AP1M1: variants seen among roughly 807,000 people sequenced by gnomAD.
The protein encoded by AP1M1 is AP-1 complex subunit mu-1.
Under a neutral mutation model 57.1 loss-of-function variants are expected in AP1M1, and 18 were observed. The ratio of observed to expected loss-of-function variants is 0.32; its 90% confidence interval spans 0.22 to 0.47. The LOEUF is 0.47. Among genes scored for constraint, AP1M1 ranks in the 20% least tolerant of loss-of-function variants. The pLI is 1.00. For synonymous variants in AP1M1, 241 were observed against 237.9 expected (o/e 1.01, Z -0.12); for missense variants, 362 against 593.5 (o/e 0.61, Z 4.05).
Position 16,206,077 on chromosome 19 carries a change from C to A in AP1M1, c.200-264C>A, listed in dbSNP as rs1213390716. The stretch of plus-strand genomic sequence containing the variant: ...TTCACCCAGCCGCCGGGACAGGTGC[C>A]CTGTGCCACCTGCCATCCCTGTGAT... On this transcript the variant is annotated intron_variant, in intron 2 of 11. Transcript: ENST00000291439. This position sits in a 1 kb window ranked among gnomAD's most constrained non-coding sequence, Gnocchi z 4.3. 6.6e-6 allele frequency among the ~76,000 whole-genome samples: 1 copy of A among 152,182 alleles called. No individual in the cohort carries two copies. Among genetic ancestry groups the A allele is most frequent in the Non-Finnish European group, 1.5e-5 (1 of 68,018 alleles).
In AP1M1 at chr19:16,234,258, T is replaced by C. The variant is rs1283885533; in HGVS notation, c.1233T>C (p.Tyr411=). 9 of 1,613,822 alleles carry C rather than the reference T, an allele frequency of 5.6e-6. No homozygotes were observed. Among genetic ancestry groups the C allele is most frequent in the African/African-American group, 2.7e-5 (2 of 74,928 alleles). Residue 411 remains tyrosine (Y), a synonymous_variant, in exon 11 of 12, where the codon TAT becomes TAC. Coordinates refer to ENST00000291439, the MANE Select transcript of AP1M1 (RefSeq NM_032493.4). ...SGYQALPWVR[Y]ITQNGDYQLR... Reference sequence around the variant, plus strand: ...ACCAGGCCCTGCCCTGGGTGCGTTATATCACGCAGAATGGAGGTGAGTGAG... The same window carrying C: ...ACCAGGCCCTGCCCTGGGTGCGTTACATCACGCAGAATGGAGGTGAGTGAG...
Position 16,229,956 on chromosome 19 carries a change from G to T in AP1M1, c.1047+1028G>T, listed in dbSNP as rs1292392439. Reference sequence around the variant, plus strand: ...AGCTGTGGATATTCCATGGAGGGGTGGTGACCATCCCGGATAGTTGGATTA... The same window carrying T: ...AGCTGTGGATATTCCATGGAGGGGTTGTGACCATCCCGGATAGTTGGATTA... On this transcript the variant is annotated intron_variant, in intron 9 of 11. Coordinates refer to ENST00000291439, the MANE Select transcript of AP1M1 (RefSeq NM_032493.4). Among the ~76,000 whole-genome samples the T allele has an allele frequency of 2.0e-5, 3 of 152,318 alleles. No homozygotes were observed. In the East Asian group the frequency reaches 5.8e-4, roughly 29 times the overall value.
intron 9 of AP1M1, among the ~76,000 whole-genome samples, chr19:16,232,936 C>A (rs545002274): frequency 6.6e-6 from 1 of 152,346 alleles, no homozygotes; most frequent in East Asian, 1.9e-4. Flanking sequence ...CCCCTGCTCA[C>A]CCTCAGGAGC....
chr19:16,219,678 G>A (rs561325425), intron 5 of AP1M1, among the ~76,000 whole-genome samples: 1 of 152,300 alleles, frequency 6.6e-6, no homozygotes, highest in East Asian at 1.9e-4. Context: ...GGGAATTCAG[G>A]TGTGAGCCAC....
At chr19:16,215,212 A>AG (rs1568351069) in intron 5 of AP1M1, among the ~76,000 whole-genome samples, 1 of 2,104 alleles carries the variant, frequency 4.8e-4, no homozygotes, top group African/African-American at 1.1e-3. Context: ...GGGGGGGGGG[A>AG]GAGGGGGGAG....
chr19:16,221,215 C>T (rs908634289), intron 5 of AP1M1, among the ~76,000 whole-genome samples: 1 of 152,196 alleles, frequency 6.6e-6, no homozygotes, highest in African/African-American at 2.4e-5. Context: ...GCAACCTCTG[C>T]CTCCCAGGTT....
chr19:16,215,073 C>CTGA (rs2091511864), intron 5 of AP1M1, among the ~76,000 whole-genome samples: 1 of 150,920 alleles, frequency 6.6e-6, no homozygotes, highest in African/African-American at 2.4e-5. Context: ...TTCTCCTTTG[C>CTGA]TGATGAAGCT....
At chr19:16,214,123 A>G (rs2145124140) in intron 5 of AP1M1, among the ~76,000 whole-genome samples, 1 of 147,716 alleles carries the variant, frequency 6.8e-6, no homozygotes, top group East Asian at 2.0e-4. Flanking sequence ...ATCTTGGCTC[A>G]CTGCAACCTC....
chr19:16,205,389 G>GC (rs1384182767), intron 2 of AP1M1, among the ~76,000 whole-genome samples: 1 of 152,178 alleles, frequency 6.6e-6, no homozygotes, highest in African/African-American at 2.4e-5. Flanking sequence ...AAGGTGAGAG[G>GC]CCCCCACTGC....
chr19:16,198,161 G>A, intron 1 of AP1M1, 93 bp downstream of exon 1: 3 of 1,447,790 alleles, frequency 2.1e-6, no homozygotes, highest in South Asian at 1.2e-5. Flanking sequence ...ACCGGCTTAT[G>A]AGCCCCATCC....
In AP1M1 at chr19:16,215,869, G is replaced by A. The variant is rs115926596; in HGVS notation, c.546+6692G>A. Among the ~76,000 whole-genome samples, 318 of 151,896 alleles carry A rather than the reference G, an allele frequency of 2.1e-3. 2 individuals carry two copies. Among genetic ancestry groups the A allele is most frequent in the African/African-American group, 7.4e-3 (307 of 41,418 alleles). ...TTGGAGGCTTTGTTCATTCCTTTTC[G>A]TTATTTTTTCTCTATTCTCATCTGA... is the stretch of plus-strand genomic sequence containing the variant. On this transcript the variant is annotated intron_variant, in intron 5 of 11. Coordinates refer to ENST00000291439, the MANE Select transcript of AP1M1 (RefSeq NM_032493.4).
chr19:16,233,442 C>T (rs1329680455), intron 9 of AP1M1, 51 bp from the exon 10 acceptor site: 1 of 1,515,686 alleles, frequency 6.6e-7, no homozygotes, highest in Admixed American at 2.1e-5. Flanking sequence ...GAGCTGTTGG[C>T]TAAGCTGGGG....
chr19:16,208,374 T>C (rs2091479109), intron 4 of AP1M1: 1 of 428,986 alleles, frequency 2.3e-6, no homozygotes. Context: ...TCATCTTTAC[T>C]CTCCATCCAC....
In AP1M1 at chr19:16,239,126, T is replaced by G. The variant is rs1211443432; in HGVS notation, c.*4691T>G. 6.6e-6 allele frequency: 1 copy of G among 150,500 alleles called. No individual in the cohort carries two copies. Among genetic ancestry groups the G allele is most frequent in the Non-Finnish European group, 1.5e-5 (1 of 67,734 alleles). The allele number at this position is 150,500 out of a possible 1,614,324, so 9.3% of individuals were successfully genotyped here. A position where few individuals can be genotyped will look rare whatever the true frequency, so the allele number is the denominator to read the frequency against. On this transcript the variant is annotated 3_prime_UTR_variant, in exon 12 of 12. Coordinates refer to ENST00000291439, the MANE Select transcript of AP1M1 (RefSeq NM_032493.4). ...TTTTGTATTTTTGGTAGAGACGGGATTTCTCCATGTTGGTCAGGCTGGTCT... is the reference window on the plus strand; with the variant it reads ...TTTTGTATTTTTGGTAGAGACGGGAGTTCTCCATGTTGGTCAGGCTGGTCT...
In AP1M1 at chr19:16,239,114, G is replaced by T. The variant is rs1221220657; in HGVS notation, c.*4679G>T. 1 of 150,162 alleles carries T rather than the reference G, an allele frequency of 6.7e-6. No homozygotes were observed. Among genetic ancestry groups the T allele is most frequent in the East Asian group, 2.0e-4 (1 of 5,010 alleles). 9.3% of individuals were successfully genotyped at this position (150,162 alleles called of 1,614,324 possible). ...ATGCCTGGCTAATTTTGTATTTTTG[G>T]TAGAGACGGGATTTCTCCATGTTGG... is the stretch of plus-strand genomic sequence containing the variant. On this transcript the variant is annotated 3_prime_UTR_variant, in exon 12 of 12. Coordinates refer to ENST00000291439, the MANE Select transcript of AP1M1 (RefSeq NM_032493.4).
rs910631281 is a variant in AP1M1 at position 16,228,668 on chromosome 19, A to G, written c.889-102A>G. On this transcript the variant is annotated intron_variant, in intron 8 of 11. Coordinates refer to ENST00000291439, the MANE Select transcript of AP1M1 (RefSeq NM_032493.4). The surrounding 1 kb of genome is among the most constrained non-coding windows in gnomAD (Gnocchi z 5.0). Reference sequence around the variant, plus strand: ...GAGAAGTGGGGCCAGGGGCGGGGCTAGGGAGGATCCCCCGGGCCAGGCTGA... The same window carrying G: ...GAGAAGTGGGGCCAGGGGCGGGGCTGGGGAGGATCCCCCGGGCCAGGCTGA... The G allele has an allele frequency of 2.2e-6, 3 of 1,364,634 alleles. No individual in the cohort carries two copies. Among genetic ancestry groups the G allele is most frequent in the Non-Finnish European group, 1.0e-6 (1 of 983,014 alleles). The allele number at this position is 1,364,634 out of a possible 1,614,324, so 84.5% of individuals were successfully genotyped here.
At chr19:16,230,431 C>T (rs1232359291) in intron 9 of AP1M1, among the ~76,000 whole-genome samples, 12 of 149,554 alleles carry the variant, frequency 8.0e-5, no homozygotes, top group Admixed American at 7.3e-4. Flanking sequence ...GACGGAGTCT[C>T]GCTCTGTCGC....
In AP1M1 at chr19:16,206,815, T is replaced by G. The variant is rs2145117206; in HGVS notation, c.267+407T>G. Among the ~76,000 whole-genome samples, 1 of 152,224 alleles carries G rather than the reference T, an allele frequency of 6.6e-6. No homozygotes were observed. The highest frequency in any genetic ancestry group is 2.1e-4 in the South Asian group (1 of 4,820). ...AAGGCACAGATGCCTGACGCCCACC[T>G]TGGAGAGAGCTGACACGCCAGGCCC... is the stretch of plus-strand genomic sequence containing the variant. On this transcript the variant is annotated intron_variant, in intron 3 of 11. Transcript: ENST00000291439. The surrounding 1 kb of genome is among the most constrained non-coding windows in gnomAD (Gnocchi z 4.3).
chr19:16,227,848 CT>C lies in AP1M1; in HGVS notation c.816+161del, dbSNP rs2091577896. On this transcript the variant is annotated intron_variant, in intron 7 of 11. Transcript: ENST00000291439. The surrounding 1 kb of genome is among the most constrained non-coding windows in gnomAD (Gnocchi z 6.2). The stretch of plus-strand genomic sequence containing the variant: ...GAGTCTGAGGACTTGGGACTCCGAG[CT>C]TTCTGAGGGGCACAGACCCCTTTGG... 1.3e-5 allele frequency among the ~76,000 whole-genome samples: 2 copies of C among 152,176 alleles called. No homozygotes were observed.
Sources: gnomAD v4.1 joint callset for allele counts (sites outside exome capture counted in the v4.1 genomes callset) on GRCh38, gnomAD v4.1.1 for gene constraint, Gnocchi (gnomAD v3.1) non-coding constraint, MANE v1.5 for transcripts, NCBI Gene and HGNC (gene_info 2026-07-23, HGNC 2026-07-21) for gene names.